The following TRAPPC9 variants were observed in gnomAD, a reference collection of about 807,000 sequenced individuals.
TRAPPC9 encodes IKK2 binding protein.
In TRAPPC9, 83 loss-of-function variants were observed where a neutral mutation model predicts 124.0. The ratio of observed to expected loss-of-function variants is 0.67; its 90% CI spans 0.56 to 0.80. The LOEUF (loss-of-function observed/expected upper bound fraction) is 0.80, where lower values mean the gene tolerates loss of function less well. TRAPPC9 is among the 30% of genes least tolerant of loss of function. TRAPPC9 has a pLI of 0.00. For synonymous variants in TRAPPC9, 638 were observed against 617.5 expected (o/e 1.03, Z -0.49); for missense variants, 1,302 against 1,508.3 (o/e 0.86, Z 2.27).
intron 22 of TRAPPC9, 50 bp from the exon 23 acceptor site, chr8:139,731,278 C>T: frequency 6.3e-7 from 1 of 1,599,422 alleles, no homozygotes; most frequent in Non-Finnish European, 8.5e-7. Flanking sequence ...GCAGGGGCCA[C>T]CCAAAGCCAC....
intron 19 of TRAPPC9, among the ~76,000 whole-genome samples, chr8:139,922,286 C>T (rs184519086): frequency 1.3e-4 from 20 of 152,116 alleles, no homozygotes; most frequent in South Asian, 4.1e-4. Context: ...CAGGTTCAAG[C>T]GGTTCTCCTG....
chr8:139,733,555 A>G (rs1817972984), intron 21 of TRAPPC9, among the ~76,000 whole-genome samples: 1 of 152,124 alleles, frequency 6.6e-6, no homozygotes, highest in African/African-American at 2.4e-5. Flanking sequence ...ATGTCATCCA[A>G]GTACAAACTG....
intron 9 of TRAPPC9, among the ~76,000 whole-genome samples, chr8:140,357,444 C>T (rs2067786713): frequency 6.6e-6 from 1 of 152,030 alleles, no homozygotes. Flanking sequence ...GGGACACTGC[C>T]ACCAGGAGAG....
chr8:139,874,404 C>T (rs779095645), intron 21 of TRAPPC9, among the ~76,000 whole-genome samples: 17 of 152,190 alleles, frequency 1.1e-4, no homozygotes, highest in African/African-American at 3.6e-4. Flanking sequence ...CCACCAGCAG[C>T]GGAAGACACA....
In TRAPPC9 at chr8:140,275,694, T is replaced by C; in HGVS notation, c.2242A>G (p.Lys748Glu). 1 of 1,614,212 alleles carries C rather than the reference T, an allele frequency of 6.2e-7. No homozygotes were observed. Among genetic ancestry groups the C allele is most frequent in the Non-Finnish European group, 8.5e-7 (1 of 1,180,040 alleles). ...AGAACTTTCGAGGTGACCTCCAGTT[T>C]CTCCAATGGTTCCATTCCAATATTT... Reference protein sequence around the residue: ...LENIGMEPLEKLEVTSKVLTT... With the variant: ...LENIGMEPLEELEVTSKVLTT... Residue 748 changes from lysine (K) to glutamate (E), a missense_variant, in exon 15 of 23, where the codon AAA (lysine) becomes GAA (glutamate). Around this residue, in one of 3 missense-constraint regions of TRAPPC9, gnomAD observed 640 missense variants for 679.3 expected, o/e 0.94. Transcript: ENST00000438773.
intron 5 of TRAPPC9, among the ~76,000 whole-genome samples, chr8:140,421,382 A>C (rs1259167331): frequency 6.6e-6 from 1 of 152,210 alleles, no homozygotes. Context: ...TGACTTGTCA[A>C]ATCTAGTTAA....
At chr8:140,446,611 T>C (rs181405914) in intron 2 of TRAPPC9, among the ~76,000 whole-genome samples, 6 of 152,186 alleles carry the variant, frequency 3.9e-5, no homozygotes, top group Admixed American at 3.9e-4. Context: ...TAGAGTGCAA[T>C]GGCATGAGCT....
At chr8:140,217,451 G>A (rs749900551) in intron 17 of TRAPPC9, among the ~76,000 whole-genome samples, 1 of 152,148 alleles carries the variant, frequency 6.6e-6, no homozygotes, top group African/African-American at 2.4e-5. Context: ...AGCAGTGGAC[G>A]GCCTCTGGCA....
At chr8:140,411,761 G>A (rs966234247) in intron 5 of TRAPPC9, among the ~76,000 whole-genome samples, 5 of 152,020 alleles carry the variant, frequency 3.3e-5, no homozygotes, top group African/African-American at 1.2e-4. Flanking sequence ...TAGCCAATGA[G>A]CTACAAAATA....
chr8:140,158,543 T>C (rs935211949), intron 17 of TRAPPC9, among the ~76,000 whole-genome samples: 10 of 152,212 alleles, frequency 6.6e-5, no homozygotes, highest in African/African-American at 2.2e-4. Flanking sequence ...AGATAACAAA[T>C]TTGTGTTGTT....
intron 14 of TRAPPC9, among the ~76,000 whole-genome samples, chr8:140,282,053 A>G (rs2065339818): frequency 6.6e-6 from 1 of 152,218 alleles, no homozygotes; most frequent in Non-Finnish European, 1.5e-5. Context: ...GACTGTCATG[A>G]TCAGTGCTAC....
At chr8:140,118,737 T>G (rs182556812) in intron 17 of TRAPPC9, among the ~76,000 whole-genome samples, 1 of 152,248 alleles carries the variant, frequency 6.6e-6, no homozygotes, top group Admixed American at 6.5e-5. Flanking sequence ...GGGAATGGGT[T>G]TGAAGCAGCA....
At chr8:140,350,820 G>A (rs2067545965) in intron 9 of TRAPPC9, among the ~76,000 whole-genome samples, 1 of 152,130 alleles carries the variant, frequency 6.6e-6, no homozygotes, top group South Asian at 2.1e-4. Flanking sequence ...GAGAGGGCAG[G>A]GCCGGGGGCA....
At chr8:140,398,827 A>G (rs532623852) in intron 6 of TRAPPC9, among the ~76,000 whole-genome samples, 3 of 152,260 alleles carry the variant, frequency 2.0e-5, no homozygotes, top group Admixed American at 1.3e-4. Flanking sequence ...AGGCAGCCAA[A>G]TGTTAATCCC....
At chr8:140,446,386 TGCCTC>T (rs2071260524) in intron 2 of TRAPPC9, among the ~76,000 whole-genome samples, 1 of 147,490 alleles carries the variant, frequency 6.8e-6, no homozygotes, top group African/African-American at 2.5e-5. Flanking sequence ...AAGGTTGAAC[TGCCTC>T]TCTGGTTCTG....
chr8:140,236,079 CTT>C (rs765201850), intron 16 of TRAPPC9, among the ~76,000 whole-genome samples: 2,573 of 111,634 alleles, frequency 0.023, 61 homozygotes, highest in African/African-American at 0.083. Flanking sequence ...ACTGTATTTC[CTT>C]TTTTTTTTTT....
At chr8:140,441,233 A>G (rs1318029295) in intron 2 of TRAPPC9, among the ~76,000 whole-genome samples, 1 of 151,872 alleles carries the variant, frequency 6.6e-6, no homozygotes, top group East Asian at 1.9e-4. Flanking sequence ...CTCTTGCCTC[A>G]GCCTCCCAAA....
chr8:139,806,371 T>A (rs559214132), intron 21 of TRAPPC9: 1 of 152,282 alleles, frequency 6.6e-6, no homozygotes, highest in Non-Finnish European at 1.5e-5. Context: ...GGGGAGAGCT[T>A]CCCTGTCCCC....
chr8:139,758,322 C>T (rs1217888397), intron 21 of TRAPPC9, among the ~76,000 whole-genome samples: 2 of 152,198 alleles, frequency 1.3e-5, no homozygotes, highest in Admixed American at 6.5e-5. Flanking sequence ...GCCCACGTCG[C>T]GTGCTTTACA....
Sources: gnomAD v4.1 joint callset for allele counts (sites outside exome capture counted in the v4.1 genomes callset) on GRCh38, gnomAD v4.1.1 for gene constraint, gnomAD v4.1.1 regional missense constraint, MANE v1.5 for transcripts, NCBI Gene and HGNC (gene_info 2026-07-23, HGNC 2026-07-21) for gene names.